Variants in NTNG1 observed in about 807,000 individuals in gnomAD.
The protein encoded by NTNG1 is netrin G1, also known as netrin-G1.
In NTNG1, 16 loss-of-function variants were observed where a neutral mutation model predicts 54.0. The observed-to-expected ratio is 0.30, with a 90% CI of 0.20 to 0.45. NTNG1 has a LOEUF of 0.45. Among genes scored for constraint, NTNG1 ranks in the 20% least tolerant of loss-of-function variants. The pLI, the probability that NTNG1 is intolerant of heterozygous loss-of-function variation, is 1.00. For missense variants in NTNG1, 530 were observed against 678.7 expected, an observed-to-expected ratio of 0.78 and a Z score of 2.43; for synonymous variants, 255 against 263.1, an observed-to-expected ratio of 0.97 and a Z score of 0.30.
chr1:107,254,240 A>G (rs1391948820), intron 2 of NTNG1, among the ~76,000 whole-genome samples: 1 of 152,230 alleles, frequency 6.6e-6, no homozygotes, highest in Non-Finnish European at 1.5e-5. Context: ...ATCAGGAGAA[A>G]CAACTGATGA....
At chr1:107,157,596 T>G (rs1455127306) in intron 2 of NTNG1, among the ~76,000 whole-genome samples, 1 of 152,158 alleles carries the variant, frequency 6.6e-6, no homozygotes, top group Non-Finnish European at 1.5e-5. Context: ...TTTCCTAAGG[T>G]TATAATGTTT....
In NTNG1 at chr1:107,395,341, T is replaced by C. The variant is rs1672619446; in HGVS notation, c.1060+15T>C. On this transcript the variant is annotated intron_variant, in intron 4 of 7. Coordinates refer to ENST00000370068, the MANE Select transcript of NTNG1 (RefSeq NM_001113226.3). ...TGCAAATACCTGTGAGTAACTTTGC[T>C]TGGTAACAGCATATTCTGTGCACCA... 6.2e-7 allele frequency: 1 copy of C among 1,608,840 alleles called. No homozygotes were observed. Among genetic ancestry groups the C allele is most frequent in the East Asian group, 2.2e-5 (1 of 44,856 alleles).
chr1:107,232,005 C>T (rs1420542503), intron 2 of NTNG1, among the ~76,000 whole-genome samples: 1 of 152,118 alleles, frequency 6.6e-6, no homozygotes, highest in Non-Finnish European at 1.5e-5. Context: ...ATGAAGGCCT[C>T]TTGATTCAGA....
chr1:107,254,045 C>T (rs915255811), intron 2 of NTNG1, among the ~76,000 whole-genome samples: 1 of 152,194 alleles, frequency 6.6e-6, no homozygotes. Flanking sequence ...TTGCTTCTTA[C>T]ATTTACCTTG....
intron 7 of NTNG1, among the ~76,000 whole-genome samples, chr1:107,459,997 T>C (rs1375723484): frequency 1.3e-5 from 2 of 152,218 alleles, no homozygotes; most frequent in Admixed American, 1.3e-4. Flanking sequence ...TGGCTCTCTT[T>C]TTTTTCGCCT....
rs925117587 is a variant in NTNG1, at chr1:107,173,702, T to A, written c.246+24863T>A. 4.6e-5 allele frequency among the ~76,000 whole-genome samples: 7 copies of A among 151,590 alleles called. No homozygotes were observed. The East Asian group carries it at 1.3e-3, about 29-fold the overall frequency. ...AGAAAAATTGTAGCTCTTTTTTTTT[T>A]CTTTTTTCTTTTCTTTCTTTCTTTC... On this transcript the variant is annotated intron_variant, in intron 2 of 7. Transcript: ENST00000370068.
At chr1:107,272,600 A>T (rs1340092946) in intron 2 of NTNG1, among the ~76,000 whole-genome samples, 2 of 152,182 alleles carry the variant, frequency 1.3e-5, no homozygotes, top group African/African-American at 4.8e-5. Flanking sequence ...TCTATACAGA[A>T]TTCAGGTATA....
At chr1:107,276,905 CT>C (rs1198054528) in intron 2 of NTNG1, among the ~76,000 whole-genome samples, 1 of 151,502 alleles carries the variant, frequency 6.6e-6, no homozygotes, top group East Asian at 1.9e-4. Flanking sequence ...AATAGAGGTC[CT>C]CCAAGAAACA....
chr1:107,431,318 A>C (rs1675250969), intron 6 of NTNG1, among the ~76,000 whole-genome samples: 1 of 152,166 alleles, frequency 6.6e-6, no homozygotes. Context: ...GATATGAAAA[A>C]TTAGGGTACA....
intron 4 of NTNG1, among the ~76,000 whole-genome samples, chr1:107,404,430 T>C (rs1040525221): frequency 6.6e-6 from 1 of 152,168 alleles, no homozygotes; most frequent in Non-Finnish European, 1.5e-5. Context: ...AGACAATATG[T>C]ATTGTTAATA....
intron 2 of NTNG1, among the ~76,000 whole-genome samples, chr1:107,207,170 C>G (rs938444763): frequency 6.6e-6 from 1 of 152,146 alleles, no homozygotes; most frequent in Admixed American, 6.6e-5. Context: ...TAAAGAAATT[C>G]TCTTCCCAGT....
At chr1:107,271,449 C>G (rs1256141080) in intron 2 of NTNG1, among the ~76,000 whole-genome samples, 2 of 152,076 alleles carry the variant, frequency 1.3e-5, no homozygotes, top group African/African-American at 4.8e-5. Context: ...CCATATTCAG[C>G]TTATAAATAA....
intron 3 of NTNG1, among the ~76,000 whole-genome samples, chr1:107,376,411 A>G (rs1671254358): frequency 9.3e-5 from 2 of 21,578 alleles, no homozygotes; most frequent in African/African-American, 1.8e-4. Flanking sequence ...CCGTCTCAAA[A>G]CAAAACAAAA....
rs34213703 is a variant in NTNG1 at position 107,297,086 on chromosome 1, GACACACACACAC to G, written c.247-27178_247-27167del. 3.0e-3 allele frequency among the ~76,000 whole-genome samples: 417 copies of G among 137,402 alleles called. 3 individuals carry two copies. The highest frequency in any genetic ancestry group is 0.011 in the African/African-American group (391 of 37,004). The allele number at this position is 137,402 out of a possible 152,430, so 90.1% of individuals were successfully genotyped here. The stretch of plus-strand genomic sequence containing the variant: ...TACTCTGGTTATCTTTACAGATGAG[GACACACACACAC>G]ACACACACACACACACAAACACACA... On this transcript the variant is annotated intron_variant, in intron 2 of 7. Transcript: ENST00000370068.
chr1:107,357,952 C>A (rs1209316187), intron 3 of NTNG1, among the ~76,000 whole-genome samples: 1 of 152,104 alleles, frequency 6.6e-6, no homozygotes, highest in Non-Finnish European at 1.5e-5. Flanking sequence ...GAATTTATAG[C>A]ATTATATACT....
At position 107,384,366 on chromosome 1, in the gene NTNG1, A is replaced by G. The variant is rs77483143; in HGVS notation, c.888-10788A>G. Among the ~76,000 whole-genome samples the G allele has an allele frequency of 2.7e-3, 415 of 152,316 alleles. 3 individuals carry two copies. The highest frequency in any genetic ancestry group is 6.9e-3 in the Admixed American group (106 of 15,294). ...TTTTAAATGCCAAGATGTCTAACTC[A>G]TTTATTGCCTAAATGTACAAGAAGA... On this transcript the variant is annotated intron_variant, in intron 3 of 7. Coordinates refer to ENST00000370068, the MANE Select transcript of NTNG1 (RefSeq NM_001113226.3).
intron 2 of NTNG1, among the ~76,000 whole-genome samples, chr1:107,265,318 C>T (rs931199171): frequency 6.7e-6 from 1 of 149,744 alleles, no homozygotes; most frequent in African/African-American, 2.5e-5. Context: ...CTATAAATTA[C>T]TTTGCCAGAA....
chr1:107,401,055 T>C (rs546958003), intron 4 of NTNG1, among the ~76,000 whole-genome samples: 64 of 152,314 alleles, frequency 4.2e-4, no homozygotes, highest in African/African-American at 1.5e-3. Flanking sequence ...TCCTGGAATA[T>C]GTGGCCTTCA....
At chr1:107,467,809 G>A (rs577284017) in intron 7 of NTNG1, among the ~76,000 whole-genome samples, 1 of 152,118 alleles carries the variant, frequency 6.6e-6, no homozygotes, top group Non-Finnish European at 1.5e-5. Flanking sequence ...TTAAATGTTT[G>A]GTCTCCAGTG....
Sources: gnomAD v4.1 joint callset for allele counts (sites outside exome capture counted in the v4.1 genomes callset) on GRCh38, gnomAD v4.1.1 for gene constraint, MANE v1.5 for transcripts, NCBI Gene and HGNC (gene_info 2026-07-23, HGNC 2026-07-21) for gene names.